MMP26: variants seen among roughly 807,000 people sequenced by gnomAD.
MMP26 encodes the protein matrix metallopeptidase 26.
MMP26 carries 33 observed loss-of-function variants against 31.0 expected under a neutral mutation model. The ratio of observed to expected loss-of-function variants is 1.06; its 90% CI spans 0.81 to 1.42. The LOEUF is 1.42. Ranked by LOEUF, MMP26 falls within the 40% of genes most tolerant of loss-of-function variation. The pLI is 0.00. For missense variants in MMP26, 347 were observed against 316.1 expected, an observed-to-expected ratio of 1.10 and a Z score of -0.74; for synonymous variants, 122 against 114.9, an observed-to-expected ratio of 1.06 and a Z score of -0.40.
At chr11:4,780,022 T>C (rs188657602) in intron 2 of MMP26, among the ~76,000 whole-genome samples, 3 of 152,284 alleles carry the variant, frequency 2.0e-5, no homozygotes, top group Admixed American at 2.0e-4. Flanking sequence ...CTGTATGTAG[T>C]AGTTTTTCTC....
At chr11:4,773,527 G>A (rs1258681373) in intron 2 of MMP26, among the ~76,000 whole-genome samples, 2 of 151,492 alleles carry the variant, frequency 1.3e-5, no homozygotes, top group African/African-American at 4.8e-5. Flanking sequence ...ACAGCCTTTG[G>A]AGAAAACTCA....
chr11:4,862,084 T>C (rs1850169383), intron 2 of MMP26, among the ~76,000 whole-genome samples: 1 of 152,216 alleles, frequency 6.6e-6, no homozygotes, highest in Non-Finnish European at 1.5e-5. Context: ...CAGATATTTA[T>C]GTTTTTCTTC....
rs779395135 is a variant in MMP26, at chr11:4,924,233, A to G, written c.-144-63835A>G. On this transcript the variant is annotated intron_variant, in intron 2 of 7. Transcript: ENST00000380390. ...GTTCCCCAAGATAACTGTCAGGTAG[A>G]TGAAGCAGAAGGGAATAGAGATCCA... 5 of 1,614,116 alleles carry G rather than the reference A, an allele frequency of 3.1e-6. No individual in the cohort carries two copies. Among genetic ancestry groups the G allele is most frequent in the Admixed American group, 1.7e-5 (1 of 60,006 alleles).
chr11:4,924,301 A>G, intron 2 of MMP26: 1 of 1,613,056 alleles, frequency 6.2e-7, no homozygotes, highest in Non-Finnish European at 8.5e-7. Context: ...TCAGGAAGAA[A>G]GTGGCTCTTT....
chr11:4,768,653 A>G (rs1564904849), intron 2 of MMP26, among the ~76,000 whole-genome samples: 1 of 152,120 alleles, frequency 6.6e-6, no homozygotes, highest in African/African-American at 2.4e-5. Flanking sequence ...TATATATTTC[A>G]TTTCGCTGTT....
intron 2 of MMP26, chr11:4,877,032 C>A (rs1043471992): frequency 2.0e-5 from 3 of 152,760 alleles, no homozygotes; most frequent in Non-Finnish European, 4.4e-5. Context: ...GGGGGCTGTG[C>A]TCCCTGTGCC....
intron 1 of MMP26, among the ~76,000 whole-genome samples, chr11:4,705,481 G>C (rs1847763361): frequency 6.6e-6 from 1 of 152,140 alleles, no homozygotes; most frequent in Admixed American, 6.5e-5. Context: ...TGATAGTAAT[G>C]AATGTGAAGC....
intron 2 of MMP26, among the ~76,000 whole-genome samples, chr11:4,784,214 T>C (rs1247823091): frequency 6.6e-6 from 1 of 152,188 alleles, no homozygotes; most frequent in Non-Finnish European, 1.5e-5. Flanking sequence ...GCTGGGGCAG[T>C]GATCAGAACA....
At chr11:4,839,594 G>A (rs1173931152) in intron 2 of MMP26, among the ~76,000 whole-genome samples, 2 of 151,840 alleles carry the variant, frequency 1.3e-5, no homozygotes, top group Non-Finnish European at 2.9e-5. Flanking sequence ...TGGGTCAGAA[G>A]GGAACCTGCT....
At chr11:4,736,384 T>A (rs1448147563) in intron 1 of MMP26, 1 of 152,214 alleles carries the variant, frequency 6.6e-6, no homozygotes, top group Non-Finnish European at 1.5e-5. Context: ...ATACAAGTGC[T>A]AAAGACCTTA....
At chr11:4,907,903 CTGTCT>C (rs1175821163) in intron 2 of MMP26, 5 of 1,613,974 alleles carry the variant, frequency 3.1e-6, no homozygotes, top group Non-Finnish European at 4.2e-6. Flanking sequence ...CTCACTCATA[CTGTCT>C]TCATCAGGAT....
chr11:4,850,439 T>C (rs1008133844), intron 2 of MMP26, among the ~76,000 whole-genome samples: 1 of 152,160 alleles, frequency 6.6e-6, no homozygotes, highest in African/African-American at 2.4e-5. Flanking sequence ...AATAAAAACC[T>C]GAGAATTAGC....
At chr11:4,710,048 T>A (rs1039990735) in intron 1 of MMP26, 28 of 456,798 alleles carry the variant, frequency 6.1e-5, no homozygotes, top group African/African-American at 5.2e-4. Flanking sequence ...CTCTAGTGCC[T>A]CTACTCCTGC....
intron 2 of MMP26, among the ~76,000 whole-genome samples, chr11:4,867,057 T>C (rs1850245196): frequency 6.6e-6 from 1 of 151,818 alleles, no homozygotes; most frequent in Non-Finnish European, 1.5e-5. Context: ...CAAAAACAAT[T>C]GGAACAAAAC....
chr11:4,886,717 C>T lies in MMP26; in HGVS notation c.-144-101351C>T, dbSNP rs907828971. 2.4e-4 allele frequency among the ~76,000 whole-genome samples: 20 copies of T among 84,618 alleles called. 3 individuals are homozygous for T. In the South Asian group the frequency reaches 6.9e-3, roughly 29 times the overall value. 55.5% of individuals were successfully genotyped at this position (84,618 alleles called of 152,430 possible). ...TCTGACCCCAAACAAGGATTAAGGT[C>T]AAAAGACTTTATTTTTGACAGACAG... On this transcript the variant is annotated intron_variant, in intron 2 of 7. Coordinates refer to ENST00000380390, the MANE Select transcript of MMP26 (RefSeq NM_021801.5).
At chr11:4,881,180 C>A (rs927961791) in intron 2 of MMP26, among the ~76,000 whole-genome samples, 1 of 152,104 alleles carries the variant, frequency 6.6e-6, no homozygotes, top group East Asian at 1.9e-4. Context: ...GAGAGAAAGC[C>A]CTCTGCTTCT....
At chr11:4,863,395 GTCT>G (rs1044405423) in intron 2 of MMP26, among the ~76,000 whole-genome samples, 2 of 151,606 alleles carry the variant, frequency 1.3e-5, no homozygotes, top group Admixed American at 6.6e-5. Flanking sequence ...CATAGTATAT[GTCT>G]TCTTCTTTTA....
intron 2 of MMP26, among the ~76,000 whole-genome samples, chr11:4,972,584 A>G (rs944329294): frequency 2.6e-5 from 4 of 152,234 alleles, no homozygotes; most frequent in Non-Finnish European, 5.9e-5. Context: ...CTTTAAATAA[A>G]GAGGTAGTCT....
intron 2 of MMP26, among the ~76,000 whole-genome samples, chr11:4,779,816 T>G (rs1418293048): frequency 6.6e-6 from 1 of 152,062 alleles, no homozygotes; most frequent in Non-Finnish European, 1.5e-5. Context: ...ATCACCAAGC[T>G]TAAGACACAG....
Sources: allele counts gnomAD v4.1 joint callset (sites outside exome capture counted in the v4.1 genomes callset), GRCh38; gene constraint gnomAD v4.1.1; transcripts MANE v1.5; gene names NCBI Gene and HGNC (gene_info 2026-07-23, HGNC 2026-07-21).